Variants in TBC1D22A observed in about 807,000 individuals in gnomAD.
The protein encoded by TBC1D22A is TBC1 domain family member 22A.
A neutral mutation model predicts 60.2 loss-of-function variants in TBC1D22A; 38 were observed. That is an observed-to-expected ratio of 0.63 (90% CI 0.49 to 0.83). The LOEUF (loss-of-function observed/expected upper bound fraction) is 0.83, where lower values mean the gene tolerates loss of function less well. Among genes scored for constraint, TBC1D22A ranks in the 40% least tolerant of loss-of-function variants. TBC1D22A has a pLI of 0.00. For synonymous variants in TBC1D22A, 302 were observed against 281.7 expected, an observed-to-expected ratio of 1.07 and a Z score of -0.72; for missense variants, 628 against 701.0, an observed-to-expected ratio of 0.90 and a Z score of 1.18.
chr22:47,016,392 C>T (rs2061912834), intron 10 of TBC1D22A, among the ~76,000 whole-genome samples: 1 of 152,156 alleles, frequency 6.6e-6, no homozygotes, highest in Non-Finnish European at 1.5e-5. Context: ...GCTGGCCCTC[C>T]CCCAAGGAAC....
chr22:47,123,705 G>A (rs1326719982), intron 12 of TBC1D22A, among the ~76,000 whole-genome samples: 12 of 152,262 alleles, frequency 7.9e-5, no homozygotes, highest in Admixed American at 7.8e-4. Context: ...AAATGCCAAA[G>A]TAGAGATCGT....
At chr22:47,118,207 T>C (rs1319427750) in intron 12 of TBC1D22A, among the ~76,000 whole-genome samples, 1 of 152,150 alleles carries the variant, frequency 6.6e-6, no homozygotes, top group Non-Finnish European at 1.5e-5. Context: ...GTGGAATTTG[T>C]ACCAACAAAG....
chr22:47,013,758 C>G (rs988408745), intron 10 of TBC1D22A, among the ~76,000 whole-genome samples: 1 of 152,194 alleles, frequency 6.6e-6, no homozygotes, highest in Non-Finnish European at 1.5e-5. Flanking sequence ...AGGGCACATC[C>G]CGTCTTTCTA....
intron 10 of TBC1D22A, among the ~76,000 whole-genome samples, chr22:47,036,525 CAG>C (rs561687531): frequency 2.4e-3 from 358 of 152,318 alleles, no homozygotes; most frequent in Non-Finnish European, 3.2e-3. Flanking sequence ...CCAGCTGTGT[CAG>C]GGGTGTCCCC....
chr22:47,004,204 T>C (rs2148268388), intron 10 of TBC1D22A, among the ~76,000 whole-genome samples: 1 of 139,656 alleles, frequency 7.2e-6, no homozygotes, highest in South Asian at 2.3e-4. Flanking sequence ...TCCTCATACA[T>C]ACACACACCC....
chr22:46,783,435 C>G (rs2084026779), intron 1 of TBC1D22A, among the ~76,000 whole-genome samples: 1 of 152,188 alleles, frequency 6.6e-6, no homozygotes, highest in Non-Finnish European at 1.5e-5. Flanking sequence ...GGCACACAGG[C>G]TGATGTAATA....
chr22:46,870,304 T>G (rs1488246468), intron 4 of TBC1D22A, among the ~76,000 whole-genome samples: 1 of 152,246 alleles, frequency 6.6e-6, no homozygotes, highest in African/African-American at 2.4e-5. Flanking sequence ...GAGTTAGTGC[T>G]TGGTAATTTC....
chr22:46,834,205 A>G lies in TBC1D22A; in HGVS notation c.637+36585A>G, dbSNP rs180837872. Among the ~76,000 whole-genome samples the G allele has an allele frequency of 6.1e-4, 93 of 152,298 alleles. No homozygotes were observed. In the Middle Eastern group the frequency reaches 0.017, roughly 28 times the overall value. On this transcript the variant is annotated intron_variant, in intron 4 of 12. Transcript: ENST00000337137. ...GGAAGAGACTCAAGGGTATAAGGAAATACCAGAATAAAAAAGCACACTGTG... is the reference window on the plus strand; with the variant it reads ...GGAAGAGACTCAAGGGTATAAGGAAGTACCAGAATAAAAAAGCACACTGTG...
intron 4 of TBC1D22A, among the ~76,000 whole-genome samples, chr22:46,828,766 A>C (rs184555926): frequency 1.3e-4 from 20 of 152,136 alleles, no homozygotes; most frequent in African/African-American, 4.6e-4. Flanking sequence ...GTTCTCTGCC[A>C]CCCACTGTCA....
At chr22:47,057,781 C>T (rs371894049) in intron 11 of TBC1D22A, among the ~76,000 whole-genome samples, 5 of 152,200 alleles carry the variant, frequency 3.3e-5, no homozygotes, top group Non-Finnish European at 1.5e-5. Context: ...CTGGGTCCCT[C>T]CCATAACACG....
chr22:47,064,682 A>G (rs553753278), intron 11 of TBC1D22A, among the ~76,000 whole-genome samples: 1 of 152,334 alleles, frequency 6.6e-6, no homozygotes, highest in South Asian at 2.1e-4. Flanking sequence ...GCAGGACCAG[A>G]TGATTTGGAA....
chr22:47,005,448 C>G (rs1287820539), intron 10 of TBC1D22A, among the ~76,000 whole-genome samples: 3 of 151,694 alleles, frequency 2.0e-5, no homozygotes, highest in East Asian at 3.9e-4. Context: ...CTTATACACA[C>G]ATGCCTATAC....
chr22:47,097,512 G>A (rs984990918), intron 11 of TBC1D22A, among the ~76,000 whole-genome samples: 1 of 152,108 alleles, frequency 6.6e-6, no homozygotes, highest in Non-Finnish European at 1.5e-5. Flanking sequence ...TACTTGGGAG[G>A]CTGAGACAGA....
intron 4 of TBC1D22A, among the ~76,000 whole-genome samples, chr22:46,844,145 C>T (rs2086891913): frequency 6.7e-6 from 1 of 150,366 alleles, no homozygotes; most frequent in South Asian, 2.1e-4. Context: ...GGCGTGGGCA[C>T]TCTGGTCCAA....
At chr22:46,783,314 G>A (rs1038528679) in intron 1 of TBC1D22A, among the ~76,000 whole-genome samples, 3 of 152,222 alleles carry the variant, frequency 2.0e-5, no homozygotes, top group South Asian at 2.1e-4. Flanking sequence ...CCCTTCTGGA[G>A]AGTAAGGCGG....
chr22:46,861,206 G>T (rs2087864467), intron 4 of TBC1D22A, among the ~76,000 whole-genome samples: 1 of 152,096 alleles, frequency 6.6e-6, no homozygotes, highest in Admixed American at 6.5e-5. Flanking sequence ...GATCCACCGT[G>T]CCTCGGCTTC....
intron 12 of TBC1D22A, among the ~76,000 whole-genome samples, chr22:47,124,008 A>G (rs759908764): frequency 2.2e-4 from 33 of 152,080 alleles, no homozygotes; most frequent in Non-Finnish European, 4.1e-4. Context: ...GTGAAACAGG[A>G]AAGAGGACAC....
At chr22:47,057,867 C>G (rs2063446913) in intron 11 of TBC1D22A, among the ~76,000 whole-genome samples, 1 of 152,214 alleles carries the variant, frequency 6.6e-6, no homozygotes, top group South Asian at 2.1e-4. Context: ...ATGGTTACCC[C>G]TGCCCCATGG....
chr22:47,081,538 G>GA (rs1308699193), intron 11 of TBC1D22A, among the ~76,000 whole-genome samples: 1 of 152,082 alleles, frequency 6.6e-6, no homozygotes, highest in Non-Finnish European at 1.5e-5. Context: ...GATTGACAAG[G>GA]AAAAAGCTCA....
Sources: gnomAD v4.1 joint callset for allele counts (sites outside exome capture counted in the v4.1 genomes callset) on GRCh38, gnomAD v4.1.1 for gene constraint, MANE v1.5 for transcripts, NCBI Gene and HGNC (gene_info 2026-07-23, HGNC 2026-07-21) for gene names.